Variants in WDR26 observed in about 807,000 individuals in gnomAD.
The protein encoded by WDR26 is WD repeat-containing protein 26.
A neutral mutation model predicts 84.1 loss-of-function variants in WDR26; 5 were observed. The observed-to-expected ratio is 0.06, with a 90% CI of 0.03 to 0.13. The LOEUF is 0.13. Ranked by LOEUF, WDR26 falls within the 10% of genes least tolerant of loss-of-function variation. The probability of loss-of-function intolerance (pLI) is 1.00; values close to 1 mark genes in which losing one functional copy is unlikely to be tolerated. For missense variants in WDR26, 642 were observed against 974.9 expected (o/e 0.66, Z 4.55); for synonymous variants, 415 against 389.6 (o/e 1.07, Z -0.77).
Position 224,418,382 on chromosome 1 carries a change from C to T in WDR26, c.1197G>A (p.Arg399=). 1 of 1,612,888 alleles carries T rather than the reference C, an allele frequency of 6.2e-7. No homozygotes were observed. The highest frequency in any genetic ancestry group is 8.5e-7 in the Non-Finnish European group (1 of 1,179,346). ...CCTGCCGCAGGAGAGTCTGTAAACG[C>T]CGTGGGGGAAGCATCACTGATGGTG... Residue 399 remains arginine, a synonymous_variant, in exon 6 of 14, where the codon CGG becomes CGA. Transcript: ENST00000414423.
intron 7 of WDR26, among the ~76,000 whole-genome samples, chr1:224,407,788 G>T (rs745512036): frequency 6.6e-6 from 1 of 151,736 alleles, no homozygotes; most frequent in Admixed American, 6.6e-5. Context: ...AGATTACAGC[G>T]GTAAGCCACC....
intron 5 of WDR26, among the ~76,000 whole-genome samples, chr1:224,419,012 G>A (rs544025528): frequency 5.9e-5 from 9 of 152,222 alleles, no homozygotes; most frequent in East Asian, 1.9e-4. Flanking sequence ...TCTTAGGATC[G>A]TCACTGTCAT....
At chr1:224,418,111 T>C (rs1318782325) in intron 6 of WDR26, 149 bp downstream of exon 6, 1 of 602,276 alleles carries the variant, frequency 1.7e-6, no homozygotes, top group Non-Finnish European at 2.5e-6. Context: ...TCTCATAATT[T>C]TCAATTTTCA....
At chr1:224,419,390 G>T in intron 5 of WDR26, 128 bp downstream of exon 5, 1 of 728,932 alleles carries the variant, frequency 1.4e-6, no homozygotes, top group Non-Finnish European at 2.3e-6. Flanking sequence ...TGAAAAACTG[G>T]ATTCTCCCTC....
intron 6 of WDR26, 32 bp downstream of exon 6, chr1:224,418,228 C>A: frequency 1.3e-6 from 2 of 1,565,492 alleles, no homozygotes; most frequent in East Asian, 2.3e-5. Flanking sequence ...AAATGTTAGG[C>A]TGTTTCAGAA....
At chr1:224,389,902 G>GCA in intron 13 of WDR26, 42 bp from the exon 14 acceptor site, 1 of 376,262 alleles carries the variant, frequency 2.7e-6, no homozygotes, top group Non-Finnish European at 5.0e-6. Context: ...GCGGGCGGGG[G>GCA]AGGGAAGAGG....
Position 224,386,680 on chromosome 1 carries a change from T to C in WDR26, c.*3155A>G, listed in dbSNP as rs1020853008. 8 of 152,328 alleles carry C rather than the reference T, an allele frequency of 5.3e-5. No individual in the cohort carries two copies. The East Asian group carries it at 5.8e-4, about 11-fold the overall frequency. 9.4% of individuals were successfully genotyped at this position (152,328 alleles called of 1,614,324 possible). A position where few individuals can be genotyped will look rare whatever the true frequency, so the allele number is the denominator to read the frequency against. On this transcript the variant is annotated 3_prime_UTR_variant, in exon 14 of 14. Coordinates refer to ENST00000414423, the MANE Select transcript of WDR26 (RefSeq NM_001379403.1). The stretch of plus-strand genomic sequence containing the variant: ...AAATTGGATTTTTTTCTCCTTTCAA[T>C]TGCAGGATATTCTGATTATTTAAAG...
Position 224,418,293 on chromosome 1 carries a change from G to T in WDR26, c.1286C>A (p.Ser429Tyr). The T allele has an allele frequency of 6.2e-7, 1 of 1,612,828 alleles. No individual in the cohort carries two copies. Among genetic ancestry groups the T allele is most frequent in the South Asian group, 1.1e-5 (1 of 90,722 alleles). Residue 429 changes from serine (S) to tyrosine (Y), a missense_variant, in exon 6 of 14, where the codon TCT (serine) becomes TAT (tyrosine). This residue lies in a region of WDR26 where 351 missense variants were observed against 672.8 expected (regional missense o/e 0.52). Coordinates refer to ENST00000414423, the MANE Select transcript of WDR26 (RefSeq NM_001379403.1). ...AACATGGTCTATAAGCAGAGACACA[G>T]AATCTAGATTATTATCAAGTTTGGT...
At chr1:224,403,596 G>A (rs1440117443) in intron 8 of WDR26, among the ~76,000 whole-genome samples, 3 of 152,100 alleles carry the variant, frequency 2.0e-5, no homozygotes, top group Non-Finnish European at 2.9e-5. Flanking sequence ...ACCTAATGCC[G>A]ACTTTTCCTA....
intron 8 of WDR26, among the ~76,000 whole-genome samples, chr1:224,403,847 G>A (rs906409715): frequency 1.3e-5 from 2 of 152,132 alleles, no homozygotes; most frequent in Non-Finnish European, 2.9e-5. Context: ...TGAGGCAGGA[G>A]AATCGCTTGA....
chr1:224,406,672 A>G (rs1673575944), intron 7 of WDR26, among the ~76,000 whole-genome samples: 1 of 152,222 alleles, frequency 6.6e-6, no homozygotes, highest in African/African-American at 2.4e-5. Flanking sequence ...GTATTAGATC[A>G]GCAATATCAT....
intron 6 of WDR26, among the ~76,000 whole-genome samples, chr1:224,412,351 G>C (rs1673763309): frequency 6.6e-6 from 1 of 152,172 alleles, no homozygotes; most frequent in Non-Finnish European, 1.5e-5. Flanking sequence ...TCTTGGCTCA[G>C]TCACTTAGCT....
intron 1 of WDR26, among the ~76,000 whole-genome samples, 187 bp downstream of exon 1, chr1:224,433,497 G>A (rs562470336): frequency 1.4e-4 from 22 of 152,042 alleles, no homozygotes; most frequent in African/African-American, 4.3e-4. Flanking sequence ...TTTCCTTTCA[G>A]GTCCGCTCCT....
intron 13 of WDR26, among the ~76,000 whole-genome samples, chr1:224,390,747 G>T (rs1673101903): frequency 1.3e-5 from 2 of 152,042 alleles, no homozygotes; most frequent in Admixed American, 1.3e-4. Flanking sequence ...TTCAGCCTGG[G>T]CGACAGAGTG....
intron 9 of WDR26, among the ~76,000 whole-genome samples, chr1:224,400,120 G>A (rs1162103423): frequency 2.0e-5 from 3 of 152,092 alleles, no homozygotes; most frequent in Admixed American, 1.3e-4. Context: ...TGATACTTAT[G>A]ATATAAAGTT....
chr1:224,434,642 C>A lies in WDR26; in HGVS notation c.-237G>T. On this transcript the variant is annotated 5_prime_UTR_variant, in exon 1 of 14. Coordinates refer to ENST00000414423, the MANE Select transcript of WDR26 (RefSeq NM_001379403.1). ...CGCGCCGGGGGGCGCCGCGGGGCGGCTGCGGGGGCGCGGGGCCCGCCGCTG... is the reference window on the plus strand; with the variant it reads ...CGCGCCGGGGGGCGCCGCGGGGCGGATGCGGGGGCGCGGGGCCCGCCGCTG... 1.5e-6 allele frequency: 1 copy of A among 680,120 alleles called. No homozygotes were observed. 42.1% of individuals were successfully genotyped at this position (680,120 alleles called of 1,614,324 possible). A position where few individuals can be genotyped will look rare whatever the true frequency, so the allele number is the denominator to read the frequency against.
At position 224,424,571 on chromosome 1, in the gene WDR26, G is replaced by A. The variant is rs1387370253; in HGVS notation, c.1011C>T (p.Arg337=). Residue 337 remains arginine (R), a synonymous_variant, in exon 4 of 14, where the codon CGC becomes CGT. Transcript: ENST00000414423. ...TGTATTTCAGCGGCGTCAATTCACA[G>A]CGTAGAACTTGAAGTGCCTCCAGGA... 28 of 1,613,986 alleles carry A rather than the reference G, an allele frequency of 1.7e-5. No homozygotes were observed. Among genetic ancestry groups the A allele is most frequent in the Non-Finnish European group, 2.3e-5 (27 of 1,179,998 alleles).
At chr1:224,417,814 T>C (rs906655311) in intron 6 of WDR26, among the ~76,000 whole-genome samples, 6 of 152,216 alleles carry the variant, frequency 3.9e-5, no homozygotes. Context: ...AAGAGAAGCC[T>C]GAATTCTTAC....
intron 12 of WDR26, 69 bp downstream of exon 12, chr1:224,398,028 C>T: frequency 1.3e-6 from 2 of 1,562,068 alleles, no homozygotes; most frequent in South Asian, 1.2e-5. Flanking sequence ...GGAGACATGA[C>T]TGCCTTCATA....
Sources: gnomAD v4.1 joint callset for allele counts (sites outside exome capture counted in the v4.1 genomes callset) on GRCh38, gnomAD v4.1.1 for gene constraint, gnomAD v4.1.1 regional missense constraint, MANE v1.5 for transcripts, NCBI Gene and HGNC (gene_info 2026-07-23, HGNC 2026-07-21) for gene names.